TRIM75: variants seen among roughly 807,000 people sequenced by gnomAD.
TRIM75 encodes tripartite motif containing 75.
At chr4:165,059,358 C>G in the TRIM75 span, 25 of 780,498 alleles carry the variant, frequency 3.2e-5, no homozygotes, top group Non-Finnish European at 5.7e-5. Context: ...CAACACCCAG[C>G]TGGGAAGGAT....
At chr4:165,060,353 C>G in the TRIM75 span, 1 of 780,788 alleles carries the variant, frequency 1.3e-6, no homozygotes, top group African/African-American at 1.7e-5. Flanking sequence ...CTTTTCCAAC[C>G]CCTCTGTTGT....
chr4:165,054,300 T>A, the TRIM75 span, among the ~76,000 whole-genome samples: 2 of 145,760 alleles, frequency 1.4e-5, no homozygotes, highest in South Asian at 4.4e-4. Flanking sequence ...GACAGAGTCT[T>A]GCTCTGTTGC....
the TRIM75 span, among the ~76,000 whole-genome samples, chr4:165,053,969 C>A: frequency 6.6e-6 from 1 of 152,058 alleles, no homozygotes; most frequent in Admixed American, 6.6e-5. Context: ...AAGTGACATT[C>A]CGTGGGTGCG....
the TRIM75 span, among the ~76,000 whole-genome samples, chr4:165,054,841 T>A: frequency 6.6e-6 from 1 of 152,104 alleles, no homozygotes; most frequent in African/African-American, 2.4e-5. Context: ...GAAAATGAGG[T>A]GACTGATATC....
the TRIM75 span, chr4:165,059,148 A>G: frequency 6.5e-6 from 5 of 773,340 alleles, no homozygotes; most frequent in Middle Eastern, 2.3e-4. Context: ...CGACAGCCCA[A>G]TGGCAGTGGC....
At chr4:165,053,920 G>A in the TRIM75 span, among the ~76,000 whole-genome samples, 1 of 151,554 alleles carries the variant, frequency 6.6e-6, no homozygotes, top group Non-Finnish European at 1.5e-5. Flanking sequence ...CACGGATAAA[G>A]GACCGCCGCA....
chr4:165,056,586 T>TTCTC, the TRIM75 span, among the ~76,000 whole-genome samples: 13,837 of 147,672 alleles, frequency 0.094, 919 homozygotes, highest in African/African-American at 0.16. Flanking sequence ...TTCTTTTTCT[T>TTCTC]TCTCTGTCTC....
the TRIM75 span, among the ~76,000 whole-genome samples, chr4:165,055,283 CTTTTT>C: frequency 8.5e-5 from 11 of 129,568 alleles, no homozygotes; most frequent in African/African-American, 2.8e-4. Context: ...AAGATAACTA[CTTTTT>C]TTTTTTTTTT....
the TRIM75 span, among the ~76,000 whole-genome samples, chr4:165,056,549 A>G: frequency 6.6e-6 from 1 of 150,720 alleles, no homozygotes; most frequent in African/African-American, 2.4e-5. Flanking sequence ...TGCTCACATA[A>G]TAGACAATCT....
At chr4:165,057,494 A>G in the TRIM75 span, among the ~76,000 whole-genome samples, 12 of 152,166 alleles carry the variant, frequency 7.9e-5, no homozygotes, top group Non-Finnish European at 1.8e-4. Flanking sequence ...GTCAAATTAC[A>G]ATGTCAAAGG....
At chr4:165,054,011 C>T in the TRIM75 span, among the ~76,000 whole-genome samples, 1 of 152,122 alleles carries the variant, frequency 6.6e-6, no homozygotes, top group Admixed American at 6.6e-5. Context: ...CCCGTGACCT[C>T]TTGAGCACCT....
chr4:165,060,464 T>G, the TRIM75 span: 2 of 780,556 alleles, frequency 2.6e-6, no homozygotes, highest in Admixed American at 3.4e-5. Context: ...GTACTTTCAC[T>G]GACACTTTTA....
chr4:165,054,829 CAG>C, the TRIM75 span, among the ~76,000 whole-genome samples: 1 of 152,104 alleles, frequency 6.6e-6, no homozygotes, highest in African/African-American at 2.4e-5. Flanking sequence ...CCTAAGGAGT[CAG>C]AAAATGAGGT....
the TRIM75 span, chr4:165,060,312 C>A: frequency 2.6e-6 from 2 of 780,820 alleles, no homozygotes; most frequent in African/African-American, 3.4e-5. Context: ...GAGAATTGAG[C>A]TGCAAGATGA....
chr4:165,058,281 C>T, the TRIM75 span, among the ~76,000 whole-genome samples: 1 of 152,158 alleles, frequency 6.6e-6, no homozygotes, highest in Non-Finnish European at 1.5e-5. Context: ...ATTCCTCCTG[C>T]CTCAACCTCC....
the TRIM75 span, chr4:165,059,297 G>T: frequency 2.6e-6 from 2 of 780,486 alleles, no homozygotes; most frequent in East Asian, 4.9e-5. Context: ...TACAGGAATT[G>T]TTCCCTTGCC....
the TRIM75 span, among the ~76,000 whole-genome samples, chr4:165,057,982 T>A: frequency 6.6e-6 from 1 of 152,340 alleles, no homozygotes; most frequent in African/African-American, 2.4e-5. Flanking sequence ...CATTTAGACA[T>A]AATGACATTT....
the TRIM75 span, chr4:165,059,909 T>A: frequency 1.5e-4 from 118 of 779,352 alleles, 2 homozygotes; most frequent in South Asian, 1.5e-3. Flanking sequence ...AAATTAAAAT[T>A]TTCTACGAAT....
chr4:165,054,179 G>A, the TRIM75 span, among the ~76,000 whole-genome samples: 2 of 151,440 alleles, frequency 1.3e-5, no homozygotes, highest in Non-Finnish European at 2.9e-5. Flanking sequence ...TACAACCTCT[G>A]CCTCCTGGGG....
Sources: allele counts gnomAD v4.1 joint callset (sites outside exome capture counted in the v4.1 genomes callset), GRCh38; gene constraint gnomAD v4.1.1; transcripts MANE v1.5; gene names NCBI Gene and HGNC (gene_info 2026-07-23, HGNC 2026-07-21).